SNX6: variants seen among roughly 807,000 people sequenced by gnomAD.
The protein encoded by SNX6 is sorting nexin-6.
In SNX6, 34 loss-of-function variants were observed where a neutral mutation model predicts 63.0. That is an observed-to-expected ratio of 0.54 (90% confidence interval 0.41 to 0.72). The LOEUF is 0.72. Among genes scored for constraint, SNX6 ranks in the 30% least tolerant of loss-of-function variants. The pLI is 0.00. For synonymous variants in SNX6, 170 were observed against 164.2 expected, an observed-to-expected ratio of 1.04 and a Z score of -0.27; for missense variants, 398 against 471.4, an observed-to-expected ratio of 0.84 and a Z score of 1.44.
At chr14:34,581,715 T>C (rs2138293342) in intron 9 of SNX6, 115 bp from the exon 10 acceptor site, 1 of 556,420 alleles carries the variant, frequency 1.8e-6, no homozygotes, top group African/African-American at 1.8e-5. Flanking sequence ...TGCAGTTATA[T>C]TCAATAGCCT....
At chr14:34,585,710 C>T (rs1295176440) in intron 9 of SNX6, among the ~76,000 whole-genome samples, 1 of 151,882 alleles carries the variant, frequency 6.6e-6, no homozygotes, top group Non-Finnish European at 1.5e-5. Context: ...ATTCTTGTGC[C>T]TCAGCCTCCC....
At chr14:34,626,782 T>C (rs75625693) in intron 2 of SNX6, among the ~76,000 whole-genome samples, 11,826 of 152,154 alleles carry the variant, frequency 0.078, 774 homozygotes, top group Admixed American at 0.21. Context: ...AAAAAATACT[T>C]TTCACAACAT....
chr14:34,597,330 A>G (rs1466227439), intron 7 of SNX6, among the ~76,000 whole-genome samples: 1 of 152,194 alleles, frequency 6.6e-6, no homozygotes, highest in Non-Finnish European at 1.5e-5. Flanking sequence ...TGTGGGCTTC[A>G]GTTGGGCAAA....
chr14:34,609,458 G>A (rs1883139542), intron 3 of SNX6, among the ~76,000 whole-genome samples, 180 bp downstream of exon 3: 1 of 136,852 alleles, frequency 7.3e-6, no homozygotes, highest in Admixed American at 8.5e-5. Context: ...TCCAGCCTGG[G>A]CGACAGAGCA....
intron 10 of SNX6, among the ~76,000 whole-genome samples, chr14:34,580,406 A>C: frequency 6.6e-6 from 1 of 151,994 alleles, no homozygotes; most frequent in Non-Finnish European, 1.5e-5. Flanking sequence ...GGGCTCAAGA[A>C]TCTTCCTGCC....
intron 2 of SNX6, among the ~76,000 whole-genome samples, chr14:34,618,613 G>A (rs1243623174): frequency 6.6e-6 from 1 of 152,124 alleles, no homozygotes; most frequent in Non-Finnish European, 1.5e-5. Flanking sequence ...GGCCTCTCAA[G>A]TGCTGGGATT....
chr14:34,564,633 G>T (rs113369802), intron 13 of SNX6, among the ~76,000 whole-genome samples: 1 of 151,864 alleles, frequency 6.6e-6, no homozygotes, highest in Non-Finnish European at 1.5e-5. Context: ...TTTGAGACCC[G>T]CCTGGCCAAC....
chr14:34,593,502 C>A (rs1157972615), intron 7 of SNX6, among the ~76,000 whole-genome samples: 1 of 149,468 alleles, frequency 6.7e-6, no homozygotes, highest in South Asian at 2.1e-4. Context: ...CGGGTTCAAG[C>A]GATTCTCCTG....
Position 34,571,851 on chromosome 14 carries a change from ATTTC to A in SNX6, c.922-3842_922-3839del, listed in dbSNP as rs554998664. Reference sequence around the variant, plus strand: ...AACACCTGTATGGACATATGCTTTCATTTCTTTCTTTCCTTCTTTTCAATAGAGA... The same window carrying A: ...AACACCTGTATGGACATATGCTTTCATTTCTTTCCTTCTTTTCAATAGAGA... On this transcript the variant is annotated intron_variant, in intron 11 of 13. Transcript: ENST00000362031. Among the ~76,000 whole-genome samples, 5 of 152,102 alleles carry A rather than the reference ATTTC, an allele frequency of 3.3e-5. No homozygotes were observed. The South Asian group carries it at 1.0e-3, about 32-fold the overall frequency.
chr14:34,617,929 A>G (rs917888759), intron 2 of SNX6, among the ~76,000 whole-genome samples: 22 of 151,984 alleles, frequency 1.4e-4, no homozygotes, highest in Non-Finnish European at 2.5e-4. Context: ...CAAAAAAAAA[A>G]AAAAGACTTA....
chr14:34,575,874 C>A, intron 10 of SNX6, 32 bp from the exon 11 acceptor site: 1 of 1,253,720 alleles, frequency 8.0e-7, no homozygotes, highest in South Asian at 1.3e-5. Flanking sequence ...AATATTTAAT[C>A]AACAACTACA....
At chr14:34,612,358 G>A (rs2138364800) in intron 2 of SNX6, among the ~76,000 whole-genome samples, 1 of 152,316 alleles carries the variant, frequency 6.6e-6, no homozygotes, top group Non-Finnish European at 1.5e-5. Flanking sequence ...TGACTTTGCA[G>A]ATGTCATTCA....
At chr14:34,590,586 A>G (rs1882353012) in intron 8 of SNX6, among the ~76,000 whole-genome samples, 6 of 150,052 alleles carry the variant, frequency 4.0e-5, no homozygotes, top group Admixed American at 2.7e-4. Flanking sequence ...TCCACTGGGG[A>G]AAAAAAAAAG....
intron 10 of SNX6, among the ~76,000 whole-genome samples, chr14:34,578,722 C>T (rs1457265261): frequency 1.3e-5 from 2 of 149,938 alleles, no homozygotes; most frequent in Non-Finnish European, 1.5e-5. Context: ...GAGCGGATCA[C>T]GAGGTCAAGA....
chr14:34,618,358 T>C (rs1205499445), intron 2 of SNX6, among the ~76,000 whole-genome samples: 3 of 120,734 alleles, frequency 2.5e-5, no homozygotes, highest in African/African-American at 1.2e-4. Context: ...GGCCTCCTTT[T>C]TGGGGAGGGG....
rs752857430 is a variant in SNX6, at chr14:34,563,125, T to C, written c.1218A>G (p.Thr406=). ...QNCLAVLNGD[T] is the part of the protein sequence containing the mutation. Reference sequence around the variant, plus strand: ...TAACAGGAAGGCGGAGTGTGGCTTATGTGTCTCCATTTAACACTGCCAGGC... The same window carrying C: ...TAACAGGAAGGCGGAGTGTGGCTTACGTGTCTCCATTTAACACTGCCAGGC... Residue 406 remains threonine (T), a synonymous_variant, in exon 14 of 14, where the codon ACA becomes ACG. Transcript: ENST00000362031. The C allele has an allele frequency of 5.0e-6, 8 of 1,613,842 alleles. No individual in the cohort carries two copies. The highest frequency in any genetic ancestry group is 1.1e-5 in the South Asian group (1 of 91,042).
chr14:34,583,918 G>A (rs996752402), intron 9 of SNX6, among the ~76,000 whole-genome samples: 12 of 150,432 alleles, frequency 8.0e-5, no homozygotes, highest in African/African-American at 2.9e-4. Context: ...CGCAATCTCG[G>A]CTCACTGCAA....
chr14:34,617,573 A>G lies in SNX6; in HGVS notation c.55-7831T>C, dbSNP rs1594748245. ...CCGTGGGCTGTGATTGTGCCACTGC[A>G]TTCCAGCCTGGGTGACAGAGTGAGA... On this transcript the variant is annotated intron_variant, in intron 2 of 13. Transcript: ENST00000362031. Among the ~76,000 whole-genome samples, 4 of 138,040 alleles carry G rather than the reference A, an allele frequency of 2.9e-5. No individual in the cohort carries two copies. The East Asian group carries it at 8.4e-4, about 29-fold the overall frequency. The allele number at this position is 138,040 out of a possible 152,430, so 90.6% of individuals were successfully genotyped here.
At chr14:34,593,240 T>C in intron 7 of SNX6, 90 bp from the exon 8 acceptor site, 1 of 770,158 alleles carries the variant, frequency 1.3e-6, no homozygotes, top group Non-Finnish European at 2.1e-6. Context: ...TAAAAGATCA[T>C]CAGTAAAATA....
Sources: gnomAD v4.1 joint callset for allele counts (sites outside exome capture counted in the v4.1 genomes callset) on GRCh38, gnomAD v4.1.1 for gene constraint, MANE v1.5 for transcripts, NCBI Gene and HGNC (gene_info 2026-07-23, HGNC 2026-07-21) for gene names.